DLGAP2: variants seen among roughly 807,000 people sequenced by gnomAD.
DLGAP2 encodes the protein DLG associated protein 2.
A neutral mutation model predicts 100.3 loss-of-function variants in DLGAP2; 26 were observed. The ratio of observed to expected loss-of-function variants is 0.26; its 90% confidence interval spans 0.19 to 0.36. DLGAP2 has a LOEUF of 0.36. DLGAP2 is among the 10% of genes least tolerant of loss of function. DLGAP2 has a pLI of 1.00. For synonymous variants in DLGAP2, 886 were observed against 630.1 expected (o/e 1.41, Z -6.08); for missense variants, 1,858 against 1,453.2 (o/e 1.28, Z -4.53).
chr8:1,570,125 G>A lies in DLGAP2; in HGVS notation c.1442+4231G>A, dbSNP rs562972577. 7.9e-5 allele frequency among the ~76,000 whole-genome samples: 12 copies of A among 152,372 alleles called. 1 individual carries two copies. The South Asian group carries it at 2.5e-3, about 32-fold the overall frequency. On this transcript the variant is annotated intron_variant, in intron 6 of 14. Transcript: ENST00000637795. ...GAGTGTGGACAAAATTCTCTTGAAA[G>A]ATTTTAACAGTGGAGATGTCAGAAG...
chr8:1,473,409 G>C (rs1226540677), intron 3 of DLGAP2, among the ~76,000 whole-genome samples: 1 of 152,194 alleles, frequency 6.6e-6, no homozygotes, highest in Non-Finnish European at 1.5e-5. Context: ...CCACTGCGGG[G>C]CTGGAGGCGA....
intron 2 of DLGAP2, among the ~76,000 whole-genome samples, chr8:1,004,703 G>A (rs1397359129): frequency 2.0e-5 from 3 of 152,266 alleles, no homozygotes; most frequent in Admixed American, 6.5e-5. Flanking sequence ...AGTGTCTCCA[G>A]TATGTGCGGC....
chr8:809,441 T>C (rs183761085), intron 1 of DLGAP2, among the ~76,000 whole-genome samples: 13 of 147,626 alleles, frequency 8.8e-5, no homozygotes, highest in African/African-American at 3.0e-4. Flanking sequence ...TTAGGGTAAG[T>C]ACTCTGTCTC....
chr8:1,103,875 G>A (rs1377669510), intron 2 of DLGAP2, among the ~76,000 whole-genome samples: 1 of 152,206 alleles, frequency 6.6e-6, no homozygotes, highest in Non-Finnish European at 1.5e-5. Flanking sequence ...CAGTTCGAGG[G>A]GTCCCCGCAC....
At chr8:1,028,440 C>T (rs1383263467) in intron 2 of DLGAP2, among the ~76,000 whole-genome samples, 3 of 149,634 alleles carry the variant, frequency 2.0e-5, no homozygotes, top group Non-Finnish European at 4.4e-5. Flanking sequence ...GTCAGGCGCC[C>T]GTTATTCTCC....
At chr8:931,695 G>T (rs1337880358) in intron 2 of DLGAP2, among the ~76,000 whole-genome samples, 1 of 152,082 alleles carries the variant, frequency 6.6e-6, no homozygotes, top group African/African-American at 2.4e-5. Flanking sequence ...TGGTGGCCAC[G>T]CCCTGGCTCC....
intron 3 of DLGAP2, among the ~76,000 whole-genome samples, chr8:1,342,923 G>A (rs147405476): frequency 2.1e-3 from 322 of 151,706 alleles, no homozygotes; most frequent in African/African-American, 7.5e-3. Context: ...CAGGTGCCAG[G>A]CACCAGCTGT....
intron 6 of DLGAP2, chr8:1,620,441 C>G (rs1170091497): frequency 6.6e-6 from 1 of 152,368 alleles, no homozygotes; most frequent in African/African-American, 2.4e-5. Flanking sequence ...ACTTTTACAT[C>G]TGAAGCACTC....
In DLGAP2 at chr8:1,446,088, G is replaced by T. The variant is rs1407609909; in HGVS notation, c.107-55278G>T. On this transcript the variant is annotated intron_variant, in intron 3 of 14. Transcript: ENST00000637795. ...TTTCTTTTGCTGTGCAGAAGCTCTT[G>T]AGTTTAATTAGATCCCATTTGTCAA... 3.2e-3 allele frequency among the ~76,000 whole-genome samples: 488 copies of T among 151,600 alleles called. 1 individual carries two copies. Among genetic ancestry groups the T allele is most frequent in the African/African-American group, 0.011 (442 of 41,348 alleles).
At chr8:1,289,278 A>G (rs1318359202) in intron 3 of DLGAP2, among the ~76,000 whole-genome samples, 1 of 152,248 alleles carries the variant, frequency 6.6e-6, no homozygotes, top group Admixed American at 6.5e-5. Context: ...TTGCTAATAC[A>G]TAGAGACAGC....
At chr8:1,216,654 G>T (rs1031695053) in intron 2 of DLGAP2, among the ~76,000 whole-genome samples, 5 of 151,860 alleles carry the variant, frequency 3.3e-5, no homozygotes, top group Non-Finnish European at 7.4e-5. Flanking sequence ...ATTTTTAACC[G>T]CCAATAAGTA....
At chr8:1,145,210 C>T (rs996816944) in intron 2 of DLGAP2, among the ~76,000 whole-genome samples, 3 of 152,082 alleles carry the variant, frequency 2.0e-5, no homozygotes, top group African/African-American at 4.8e-5. Context: ...CAGCTTCCCT[C>T]CAGCCACTGT....
chr8:1,271,571 T>C (rs890276895), intron 3 of DLGAP2, among the ~76,000 whole-genome samples: 1 of 152,110 alleles, frequency 6.6e-6, no homozygotes, highest in African/African-American at 2.4e-5. Context: ...CAATCAGTAG[T>C]TGCAATAAAG....
chr8:1,139,794 G>A (rs1181321212), intron 2 of DLGAP2, among the ~76,000 whole-genome samples: 1 of 152,092 alleles, frequency 6.6e-6, no homozygotes, highest in African/African-American at 2.4e-5. Context: ...GGTCCCAGGG[G>A]CTCTCTCAGC....
chr8:1,238,552 C>T lies in DLGAP2; in HGVS notation c.74-20299C>T, dbSNP rs1350434005. Among the ~76,000 whole-genome samples the T allele has an allele frequency of 3.4e-5, 3 of 89,042 alleles. 1 individual carries two copies. The highest frequency in any genetic ancestry group is 6.5e-4 in the East Asian group (2 of 3,062). The allele number at this position is 89,042 out of a possible 152,430, so 58.4% of individuals were successfully genotyped here. ...CGTGTCTGGTTCTCTCACATGGTGC[C>T]GTGTCTAGTTCTCTCCCATGGCGCC... On this transcript the variant is annotated intron_variant, in intron 2 of 14. Transcript: ENST00000637795.
intron 3 of DLGAP2, among the ~76,000 whole-genome samples, chr8:1,322,462 G>A (rs569255496): frequency 6.1e-4 from 92 of 151,770 alleles, no homozygotes; most frequent in African/African-American, 2.1e-3. Context: ...GTGGAAATGC[G>A]TGCACCCGCC....
intron 1 of DLGAP2, among the ~76,000 whole-genome samples, chr8:846,370 G>A (rs4735822): frequency 0.99 from 151,302 of 152,328 alleles, 75,154 homozygotes; most frequent in Middle Eastern, 1. Flanking sequence ...GATTCTGCAC[G>A]TGAGTGAGAT....
At chr8:1,532,201 A>G (rs1801009255) in intron 4 of DLGAP2, among the ~76,000 whole-genome samples, 1 of 152,156 alleles carries the variant, frequency 6.6e-6, no homozygotes, top group Admixed American at 6.5e-5. Flanking sequence ...CCTTTAGCTT[A>G]GTGATATTGG....
At chr8:1,474,218 C>T (rs753913424) in intron 3 of DLGAP2, among the ~76,000 whole-genome samples, 1 of 152,110 alleles carries the variant, frequency 6.6e-6, no homozygotes, top group Non-Finnish European at 1.5e-5. Flanking sequence ...TATTTTATTC[C>T]GTTTTTTGGC....
Sources: allele counts gnomAD v4.1 joint callset (sites outside exome capture counted in the v4.1 genomes callset), GRCh38; gene constraint gnomAD v4.1.1; transcripts MANE v1.5; gene names NCBI Gene and HGNC (gene_info 2026-07-23, HGNC 2026-07-21).